DCBLD2: variants seen among roughly 807,000 people sequenced by gnomAD.
The protein encoded by DCBLD2 is discoidin, CUB and LCCL domain containing 2.
Under a neutral mutation model 86.8 loss-of-function variants are expected in DCBLD2, and 54 were observed. That is an observed-to-expected ratio of 0.62 (90% CI 0.50 to 0.78). The LOEUF is 0.78. DCBLD2 is among the 30% of genes least tolerant of loss of function. The pLI, the probability that DCBLD2 is intolerant of heterozygous loss-of-function variation, is 0.00. For synonymous variants in DCBLD2, 354 were observed against 341.3 expected, an observed-to-expected ratio of 1.04 and a Z score of -0.41; for missense variants, 908 against 954.2, an observed-to-expected ratio of 0.95 and a Z score of 0.64.
chr3:98,856,796 A>G (rs1242397664), intron 2 of DCBLD2, among the ~76,000 whole-genome samples: 2 of 152,212 alleles, frequency 1.3e-5, no homozygotes, highest in African/African-American at 4.8e-5. Flanking sequence ...TAAAGTGCAC[A>G]AGGAATTACA....
At position 98,811,310 on chromosome 3, in the gene DCBLD2, G is replaced by A. The variant is rs1472753552; in HGVS notation, c.1460C>T (p.Pro487Leu). The change falls in exon 12 of 16, where the codon CCA becomes CTA. Residue 487 changes from proline (P) to leucine (L), a missense_variant. This residue lies in a region of DCBLD2 where 606 missense variants were observed against 678.5 expected (regional missense o/e 0.89). Coordinates refer to ENST00000326840, the MANE Select transcript of DCBLD2 (RefSeq NM_080927.4). ...APPKIAKGRAPKFTQPLQPRS... is the reference protein window; with the variant it reads ...APPKIAKGRALKFTQPLQPRS... ...AGGTTGTAGTGGTTGCGTAAATTTT[G>A]GGGCACGACCTTTAAAAAAGTTTCA... is the stretch of plus-strand genomic sequence containing the variant. 3.7e-6 allele frequency: 6 copies of A among 1,611,642 alleles called. No individual in the cohort carries two copies. The highest frequency in any genetic ancestry group is 5.1e-6 in the Non-Finnish European group (6 of 1,179,114).
chr3:98,801,440 C>G, intron 14 of DCBLD2, 160 bp downstream of exon 14: 6 of 484,662 alleles, frequency 1.2e-5, no homozygotes, highest in Non-Finnish European at 2.2e-5. Flanking sequence ...AGAGACTTTG[C>G]AGAAGGGTAA....
At chr3:98,849,246 C>T (rs1360468461) in intron 3 of DCBLD2, 1 of 554,346 alleles carries the variant, frequency 1.8e-6, no homozygotes, top group South Asian at 2.6e-5. Context: ...AGCAGTATTT[C>T]CTTTACTAAG....
chr3:98,881,453 T>C, intron 2 of DCBLD2, 87 bp downstream of exon 2: 4 of 1,241,880 alleles, frequency 3.2e-6, no homozygotes, highest in Non-Finnish European at 4.7e-6. Context: ...CACCTTACAC[T>C]GCATGGTTAT....
chr3:98,862,530 T>C (rs1943063086), intron 2 of DCBLD2, among the ~76,000 whole-genome samples: 1 of 152,196 alleles, frequency 6.6e-6, no homozygotes, highest in Non-Finnish European at 1.5e-5. Flanking sequence ...CACGATCAAG[T>C]GGGCTTCATC....
chr3:98,825,101 T>C (rs1050748859), intron 4 of DCBLD2, among the ~76,000 whole-genome samples: 2 of 152,220 alleles, frequency 1.3e-5, no homozygotes, highest in African/African-American at 2.4e-5. Flanking sequence ...ACTTTCATTT[T>C]GCAGATCTAA....
chr3:98,811,285 A>G lies in DCBLD2; in HGVS notation c.1485T>C (p.Pro495=). 1 of 1,612,860 alleles carries G rather than the reference A, an allele frequency of 6.2e-7. No homozygotes were observed. Among genetic ancestry groups the G allele is most frequent in the Non-Finnish European group, 8.5e-7 (1 of 1,179,470 alleles). Residue 495 remains proline, a synonymous_variant, in exon 12 of 16, where the codon CCT becomes CCC. Transcript: ENST00000326840. ...RAPKFTQPLQ[P]RSSNEFPAQT... ...GTGCAGGAAATTCATTGCTACTGCGAGGTTGTAGTGGTTGCGTAAATTTTG... is the reference window on the plus strand; with the variant it reads ...GTGCAGGAAATTCATTGCTACTGCGGGGTTGTAGTGGTTGCGTAAATTTTG...
intron 3 of DCBLD2, among the ~76,000 whole-genome samples, chr3:98,843,698 G>A (rs148777818): frequency 1.3e-5 from 2 of 152,190 alleles, no homozygotes; most frequent in East Asian, 3.9e-4. Context: ...CCATCATATA[G>A]CAATGATAAT....
chr3:98,867,792 T>C (rs941753724), intron 2 of DCBLD2, among the ~76,000 whole-genome samples: 2 of 151,234 alleles, frequency 1.3e-5, no homozygotes, highest in Non-Finnish European at 3.0e-5. Context: ...ATAACATTTG[T>C]TTTTGTTGTT....
chr3:98,855,018 C>T lies in DCBLD2; in HGVS notation c.434-5420G>A, dbSNP rs148745456. Among the ~76,000 whole-genome samples, 1,072 of 151,242 alleles carry T rather than the reference C, an allele frequency of 7.1e-3. 8 individuals carry two copies. Among genetic ancestry groups the T allele is most frequent in the African/African-American group, 0.02 (800 of 40,604 alleles). ...GTAAACGCAAACTACATAAAATTAA[C>T]GTTTATTTATCATAAGATACCAGTA... is the stretch of plus-strand genomic sequence containing the variant. On this transcript the variant is annotated intron_variant, in intron 2 of 15. Coordinates refer to ENST00000326840, the MANE Select transcript of DCBLD2 (RefSeq NM_080927.4).
rs529882646 is a variant in DCBLD2, at chr3:98,851,511, C to A, written c.434-1913G>T. The stretch of plus-strand genomic sequence containing the variant: ...CAATATCAGGAAAATGGCCATAATG[C>A]CCAAATGTATAGATTCAATGCTATC... On this transcript the variant is annotated intron_variant, in intron 2 of 15. Transcript: ENST00000326840. Among the ~76,000 whole-genome samples, 8 of 152,198 alleles carry A rather than the reference C, an allele frequency of 5.3e-5. No individual in the cohort carries two copies. The South Asian group carries it at 1.7e-3, about 32-fold the overall frequency.
chr3:98,846,335 AG>A (rs1311046234), intron 3 of DCBLD2, among the ~76,000 whole-genome samples: 11 of 152,198 alleles, frequency 7.2e-5, no homozygotes, highest in Non-Finnish European at 1.2e-4. Context: ...ACATGTAGCT[AG>A]GTTCCTTGAA....
At chr3:98,831,455 G>A (rs374438197) in intron 3 of DCBLD2, among the ~76,000 whole-genome samples, 1 of 152,078 alleles carries the variant, frequency 6.6e-6, no homozygotes, top group Middle Eastern at 3.4e-3. Flanking sequence ...GCGTCTCACT[G>A]TCCTTCAGGT....
At chr3:98,803,038 T>C (rs1253043122) in intron 13 of DCBLD2, among the ~76,000 whole-genome samples, 1 of 152,200 alleles carries the variant, frequency 6.6e-6, no homozygotes, top group East Asian at 1.9e-4. Flanking sequence ...GTGGGCTCTT[T>C]TTTGGTTCTA....
At chr3:98,897,524 G>C (rs568476206) in intron 1 of DCBLD2, among the ~76,000 whole-genome samples, 1 of 152,052 alleles carries the variant, frequency 6.6e-6, no homozygotes, top group Non-Finnish European at 1.5e-5. Flanking sequence ...TTTGCAGAGA[G>C]AAATAAGTTT....
chr3:98,870,810 A>AAAGAAAGAAAGGAAG (rs760385201), intron 2 of DCBLD2, among the ~76,000 whole-genome samples: 2 of 131,580 alleles, frequency 1.5e-5, no homozygotes, highest in African/African-American at 5.8e-5. Context: ...AGAAAGAAAG[A>AAAGAAAGAAAGGAAG]AAGGTAGGCA....
rs536610597 is a variant in DCBLD2, at chr3:98,898,933, C to T, written c.205+2189G>A. Among the ~76,000 whole-genome samples, 7 of 152,162 alleles carry T rather than the reference C, an allele frequency of 4.6e-5. No individual in the cohort carries two copies. In the South Asian group the frequency reaches 1.5e-3, roughly 32 times the overall value. ...ATTTATAGCTATTTTAAGCTTTTCC[C>T]TTTGCAAAATTCCTGCATACTATCA... On this transcript the variant is annotated intron_variant, in intron 1 of 15. Coordinates refer to ENST00000326840, the MANE Select transcript of DCBLD2 (RefSeq NM_080927.4).
chr3:98,801,691 C>G, intron 13 of DCBLD2, 42 bp from the exon 14 acceptor site: 1 of 1,507,942 alleles, frequency 6.6e-7, no homozygotes, highest in Non-Finnish European at 9.1e-7. Context: ...AGAGTAAATT[C>G]ACTGGTAAGC....
chr3:98,811,784 GGAA>G (rs954507667), intron 10 of DCBLD2, among the ~76,000 whole-genome samples: 14 of 152,018 alleles, frequency 9.2e-5, no homozygotes, highest in East Asian at 3.9e-4. Flanking sequence ...AATAATCTTA[GGAA>G]GAAGAATAAT....
Sources: gnomAD v4.1 joint callset for allele counts (sites outside exome capture counted in the v4.1 genomes callset) on GRCh38, gnomAD v4.1.1 for gene constraint, gnomAD v4.1.1 regional missense constraint, MANE v1.5 for transcripts, NCBI Gene and HGNC (gene_info 2026-07-23, HGNC 2026-07-21) for gene names.